TTC39C: variants seen among roughly 807,000 people sequenced by gnomAD.
The protein encoded by TTC39C is tetratricopeptide repeat protein 39C.
TTC39C carries 33 observed loss-of-function variants against 76.3 expected under a neutral mutation model. The observed-to-expected ratio is 0.43, with a 90% CI of 0.33 to 0.58. The LOEUF (loss-of-function observed/expected upper bound fraction) is 0.58. Among genes scored for constraint, TTC39C ranks in the 20% least tolerant of loss-of-function variants. The pLI, the probability that TTC39C is intolerant of heterozygous loss-of-function variation, is 0.04. For synonymous variants in TTC39C, 254 were observed against 260.6 expected (o/e 0.97, Z 0.24); for missense variants, 595 against 701.4 (o/e 0.85, Z 1.71).
In TTC39C at chr18:24,046,005, C is replaced by G. The variant is rs1274650590; in HGVS notation, c.168-18135C>G. On this transcript the variant is annotated intron_variant, in intron 1 of 13. Transcript: ENST00000317571. ...CCAGGCTGGAGTGCGACGGCACAAT[C>G]TCTGCTCACTGCAAGCTCCGCCTCC... is the stretch of plus-strand genomic sequence containing the variant. Among the ~76,000 whole-genome samples, 12 of 129,812 alleles carry G rather than the reference C, an allele frequency of 9.2e-5. No homozygotes were observed. In the Admixed American group the frequency reaches 1.1e-3, roughly 12 times the overall value. The allele number at this position is 129,812 out of a possible 152,430, so 85.2% of individuals were successfully genotyped here.
intron 6 of TTC39C, among the ~76,000 whole-genome samples, chr18:24,102,854 A>G (rs998882899): frequency 1.3e-5 from 2 of 152,028 alleles, no homozygotes; most frequent in Admixed American, 6.6e-5. Flanking sequence ...ACGCCTGTAC[A>G]CTCCCACTTT....
chr18:24,080,289 A>G (rs2084360651), intron 4 of TTC39C, among the ~76,000 whole-genome samples: 1 of 152,214 alleles, frequency 6.6e-6, no homozygotes, highest in South Asian at 2.1e-4. Flanking sequence ...TGATTCATTC[A>G]TTCATTCGAT....
chr18:24,014,683 C>G (rs2083425968), upstream of TTC39C: 1 of 933,928 alleles, frequency 1.1e-6, no homozygotes, highest in African/African-American at 1.8e-5. Flanking sequence ...CCACGCCGCG[C>G]CGCAGCCGGG....
intron 6 of TTC39C, among the ~76,000 whole-genome samples, chr18:24,107,932 T>G (rs1424879601): frequency 6.6e-6 from 1 of 152,204 alleles, no homozygotes; most frequent in Non-Finnish European, 1.5e-5. Context: ...ACCTAATTTT[T>G]TGTGTTTTTG....
intron 1 of TTC39C, 90 bp from the exon 2 acceptor site, chr18:24,064,050 T>A: frequency 1.3e-6 from 2 of 1,536,366 alleles, no homozygotes; most frequent in Non-Finnish European, 1.8e-6. Flanking sequence ...AAGGATTATA[T>A]GGTAATCATG....
intron 1 of TTC39C, among the ~76,000 whole-genome samples, chr18:24,032,886 A>T (rs2083687912): frequency 6.6e-6 from 1 of 152,258 alleles, no homozygotes; most frequent in Admixed American, 6.5e-5. Flanking sequence ...AAAAACAGAA[A>T]AGTAAAATAG....
chr18:24,098,727 G>A (rs2084632606), intron 6 of TTC39C, among the ~76,000 whole-genome samples: 1 of 151,582 alleles, frequency 6.6e-6, no homozygotes, highest in East Asian at 1.9e-4. Flanking sequence ...CTGCCTCCCG[G>A]TTCAAGCAAT....
intron 4 of TTC39C, among the ~76,000 whole-genome samples, chr18:24,072,388 C>T (rs114189391): frequency 0.017 from 2,569 of 152,190 alleles, 77 homozygotes; most frequent in African/African-American, 0.058. Context: ...CACTGCCTCC[C>T]GGGTTCAAGT....
In TTC39C at chr18:23,994,896, CT is replaced by C. The variant is rs113703944; in HGVS notation, c.-17+1866del. ...GTGGCCTGGACATCAGGATCTTTTC[CT>C]TTTTTTTAAAAAAAAATAATAATAA... On this transcript the variant is annotated intron_variant, in intron 1 of 13. Transcript: ENST00000304621. 2.0e-4 allele frequency among the ~76,000 whole-genome samples: 31 copies of C among 151,438 alleles called. 1 individual carries two copies. Among genetic ancestry groups the C allele is most frequent in the East Asian group, 5.8e-4 (3 of 5,160 alleles).
intron 7 of TTC39C, among the ~76,000 whole-genome samples, chr18:24,117,600 G>T (rs1394893299): frequency 1.3e-5 from 2 of 152,094 alleles, no homozygotes; most frequent in Non-Finnish European, 2.9e-5. Context: ...TACTTGGGAG[G>T]CTGAGGCGGG....
intron 6 of TTC39C, among the ~76,000 whole-genome samples, chr18:24,093,099 C>G (rs11665448): frequency 0.43 from 65,853 of 152,038 alleles, 16,308 homozygotes; most frequent in Non-Finnish European, 0.56. Flanking sequence ...TAATATTACT[C>G]TATGAGTATT....
chr18:24,066,291 A>G (rs2084165912), intron 3 of TTC39C, 151 bp downstream of exon 3: 1 of 1,048,388 alleles, frequency 9.5e-7, no homozygotes, highest in African/African-American at 1.7e-5. Flanking sequence ...GTTATATAAA[A>G]TGTTATCTCT....
chr18:24,118,150 T>C lies in TTC39C; in HGVS notation c.1104T>C (p.Asn368=). Residue 368 remains asparagine (N), a synonymous_variant, in exon 8 of 14, where the codon AAT becomes AAC. Coordinates refer to ENST00000317571, the MANE Select transcript of TTC39C (RefSeq NM_001135993.2). ...GTTGGTGCAGCATGATAGAGCTCAA[T>C]TTCAAGGATGCATTTGATTCCTTTG... ...EIGWCSMIEL[N]FKDAFDSFER... 6.2e-7 allele frequency: 1 copy of C among 1,613,976 alleles called. No homozygotes were observed. The highest frequency in any genetic ancestry group is 8.5e-7 in the Non-Finnish European group (1 of 1,179,960).
At chr18:24,004,051 C>A (rs2083333597) in intron 1 of TTC39C, among the ~76,000 whole-genome samples, 1 of 152,190 alleles carries the variant, frequency 6.6e-6, no homozygotes, top group South Asian at 2.1e-4. Context: ...ACACCACACC[C>A]AGCATTTTTT....
intron 1 of TTC39C, among the ~76,000 whole-genome samples, chr18:24,050,113 C>A (rs2083929814): frequency 6.6e-6 from 1 of 152,188 alleles, no homozygotes; most frequent in African/African-American, 2.4e-5. Flanking sequence ...TGGCTGCCAG[C>A]CCCCAGTCGC....
rs2085151248 is a variant in TTC39C at position 24,132,889 on chromosome 18, C to T, written c.*315C>T. ...ATAAAATCAAACGGAACATCCAACC[C>T]AAGATCCTGTAGGAACACCTACCTT... On this transcript the variant is annotated 3_prime_UTR_variant, in exon 14 of 14. Transcript: ENST00000317571. 4.6e-6 allele frequency: 1 copy of T among 219,112 alleles called. No individual in the cohort carries two copies. Among genetic ancestry groups the T allele is most frequent in the Admixed American group, 5.8e-5 (1 of 17,140 alleles). The allele number at this position is 219,112 out of a possible 1,614,324, so 13.6% of individuals were successfully genotyped here.
At chr18:24,032,215 G>A (rs375672913) in intron 1 of TTC39C, among the ~76,000 whole-genome samples, 20 of 152,326 alleles carry the variant, frequency 1.3e-4, no homozygotes, top group African/African-American at 4.8e-4. Flanking sequence ...AGAACTGTAA[G>A]AGAATACATT....
intron 4 of TTC39C, among the ~76,000 whole-genome samples, chr18:24,078,059 T>C (rs2084328584): frequency 6.6e-6 from 1 of 152,348 alleles, no homozygotes; most frequent in Admixed American, 6.5e-5. Context: ...TAAATATTCT[T>C]GTTAAGTAGA....
At chr18:24,034,519 T>G (rs1210201550) in intron 1 of TTC39C, among the ~76,000 whole-genome samples, 3 of 152,240 alleles carry the variant, frequency 2.0e-5, no homozygotes, top group Admixed American at 1.3e-4. Context: ...ATTTTATTCA[T>G]TTTTAGATGT....
Sources: allele counts gnomAD v4.1 joint callset (sites outside exome capture counted in the v4.1 genomes callset), GRCh38; gene constraint gnomAD v4.1.1; transcripts MANE v1.5; gene names NCBI Gene and HGNC (gene_info 2026-07-23, HGNC 2026-07-21).